Variants in USPL1 observed in about 807,000 individuals in gnomAD.
The protein encoded by USPL1 is SUMO-specific isopeptidase USPL1.
In USPL1, 27 loss-of-function variants were observed where a neutral mutation model predicts 51.5. The ratio of observed to expected loss-of-function variants is 0.52; its 90% CI spans 0.39 to 0.72. USPL1 has a LOEUF of 0.72. Ranked by LOEUF, USPL1 falls within the 30% of genes least tolerant of loss-of-function variation. USPL1 has a pLI of 0.00. For missense variants in USPL1, 1,226 were observed against 1,268.0 expected (o/e 0.97, Z 0.50); for synonymous variants, 451 against 459.6 (o/e 0.98, Z 0.24).
At chr13:30,619,544 A>G (rs985083222) in intron 1 of USPL1, among the ~76,000 whole-genome samples, 1 of 152,226 alleles carries the variant, frequency 6.6e-6, no homozygotes, top group Non-Finnish European at 1.5e-5. Flanking sequence ...CTAGTTTCCC[A>G]TTTGAGAGTA....
At chr13:30,629,406 G>A (rs2137628987) in intron 3 of USPL1, among the ~76,000 whole-genome samples, 1 of 152,246 alleles carries the variant, frequency 6.6e-6, no homozygotes, top group South Asian at 2.1e-4. Flanking sequence ...AGGATCTCTT[G>A]ATCCCAGGAG....
At chr13:30,652,306 G>A (rs1037461617) in intron 7 of USPL1, among the ~76,000 whole-genome samples, 2 of 152,236 alleles carry the variant, frequency 1.3e-5, no homozygotes, top group Non-Finnish European at 2.9e-5. Flanking sequence ...AAGGATTAAT[G>A]TATAAATTAT....
In USPL1 at chr13:30,650,820, T is replaced by G. The variant is rs1266079861; in HGVS notation, c.1239-2328T>G. 2.0e-5 allele frequency among the ~76,000 whole-genome samples: 3 copies of G among 151,878 alleles called. No individual in the cohort carries two copies. The East Asian group carries it at 5.8e-4, about 29-fold the overall frequency. ...ATCTGGCCAACATGGTGAAACCCCA[T>G]CTCTACTAAAAATACAAAAATTAGC... On this transcript the variant is annotated intron_variant, in intron 7 of 8. Coordinates refer to ENST00000255304, the MANE Select transcript of USPL1 (RefSeq NM_005800.5).
At position 30,621,343 on chromosome 13, in the gene USPL1, T is replaced by C. The variant is rs557076173; in HGVS notation, c.99+104T>C. On this transcript the variant is annotated intron_variant, in intron 2 of 8. Coordinates refer to ENST00000255304, the MANE Select transcript of USPL1 (RefSeq NM_005800.5). ...TTACCAGTTAACTTCTAAAAAATTG[T>C]GTCTTCCACGGAAATCTTACAGTAA... 2.9e-5 allele frequency: 24 copies of C among 816,136 alleles called. No homozygotes were observed. In the East Asian group the frequency reaches 5.8e-4, roughly 20 times the overall value. The allele number at this position is 816,136 out of a possible 1,614,324, so 50.6% of individuals were successfully genotyped here. A position where few individuals can be genotyped will look rare whatever the true frequency, so the allele number is the denominator to read the frequency against.
intron 3 of USPL1, among the ~76,000 whole-genome samples, chr13:30,629,562 A>G (rs1950771893): frequency 6.6e-6 from 1 of 152,222 alleles, no homozygotes; most frequent in Admixed American, 6.5e-5. Context: ...TACACATCAC[A>G]CCATGTCAGC....
chr13:30,628,712 A>G (rs1566048175), intron 3 of USPL1, among the ~76,000 whole-genome samples: 3 of 152,254 alleles, frequency 2.0e-5, no homozygotes, highest in African/African-American at 7.2e-5. Context: ...TGCAAAGGAC[A>G]TGAGGAGTTT....
chr13:30,639,749 G>A (rs897748828), intron 5 of USPL1, among the ~76,000 whole-genome samples: 16 of 152,076 alleles, frequency 1.1e-4, no homozygotes, highest in South Asian at 4.1e-4. Context: ...AGCTTTTTCC[G>A]TAAGATCCCT....
At chr13:30,653,003 G>A in intron 7 of USPL1, 145 bp from the exon 8 acceptor site, 1 of 680,974 alleles carries the variant, frequency 1.5e-6, no homozygotes, top group Non-Finnish European at 2.4e-6. Context: ...TTCTAATTAA[G>A]GCACACATCT....
chr13:30,650,392 C>T (rs530635811), intron 7 of USPL1, among the ~76,000 whole-genome samples: 207 of 151,680 alleles, frequency 1.4e-3, no homozygotes, highest in African/African-American at 4.5e-3. Context: ...TCCTGGCCAA[C>T]GTGGTGAAAC....
At chr13:30,622,830 G>A (rs1950662127) in intron 3 of USPL1, among the ~76,000 whole-genome samples, 1 of 152,076 alleles carries the variant, frequency 6.6e-6, no homozygotes, top group South Asian at 2.1e-4. Context: ...TACTTATGCT[G>A]GGTATAATTT....
intron 4 of USPL1, among the ~76,000 whole-genome samples, chr13:30,635,477 A>G (rs1293595497): frequency 6.6e-6 from 1 of 152,084 alleles, no homozygotes; most frequent in East Asian, 1.9e-4. Flanking sequence ...TTAACTCTCA[A>G]TTTTATTCTC....
At chr13:30,645,416 T>A (rs1951004903) in intron 6 of USPL1, among the ~76,000 whole-genome samples, 1 of 152,220 alleles carries the variant, frequency 6.6e-6, no homozygotes, top group African/African-American at 2.4e-5. Context: ...TAGCTTTGAA[T>A]GCAAGATGTT....
chr13:30,623,167 G>A (rs1031540479), intron 3 of USPL1, among the ~76,000 whole-genome samples: 2 of 152,058 alleles, frequency 1.3e-5, no homozygotes, highest in Non-Finnish European at 2.9e-5. Context: ...TCGAGCAAAA[G>A]CCTGAAAGAG....
intron 3 of USPL1, among the ~76,000 whole-genome samples, chr13:30,628,727 C>A (rs1022426795): frequency 1.3e-5 from 2 of 152,130 alleles, no homozygotes; most frequent in African/African-American, 4.8e-5. Context: ...GAGTTTCTTA[C>A]TTTTAAGGTT....
chr13:30,631,249 G>A lies in USPL1; in HGVS notation c.643G>A (p.Glu215Lys). ...TACATCTAAACTGGAAATGCCACTGGAGAGCAAATGTACATCATTTCCCCA... is the reference window on the plus strand; with the variant it reads ...TACATCTAAACTGGAAATGCCACTGAAGAGCAAATGTACATCATTTCCCCA... ...GCTSKLEMPL[E>K]SKCTSFPQAL... The change falls in exon 4 of 9, where the codon GAG becomes AAG. Residue 215 changes from glutamate (E) to lysine (K), a missense_variant. By Grantham distance (56) the Glu-to-Lys change is moderately conservative. Transcript: ENST00000255304. 6.2e-7 allele frequency: 1 copy of A among 1,614,148 alleles called. No individual in the cohort carries two copies. The highest frequency in any genetic ancestry group is 2.2e-5 in the East Asian group (1 of 44,876).
At chr13:30,651,643 T>C (rs914138680) in intron 7 of USPL1, among the ~76,000 whole-genome samples, 1 of 152,208 alleles carries the variant, frequency 6.6e-6, no homozygotes, top group African/African-American at 2.4e-5. Context: ...AAAGGTATTA[T>C]ATAAGGTCAA....
In USPL1 at chr13:30,660,066, C is replaced by T. The variant is rs1356943312; in HGVS notation, c.*710C>T. ...GGAGAGGATAGCTTCTATCCATAGG[C>T]AGGTTGTTCTGCCGTCTCTACAGGT... On this transcript the variant is annotated 3_prime_UTR_variant, in exon 9 of 9. Coordinates refer to ENST00000255304, the MANE Select transcript of USPL1 (RefSeq NM_005800.5). 3 of 152,406 alleles carry T rather than the reference C, an allele frequency of 2.0e-5. No homozygotes were observed. Among genetic ancestry groups the T allele is most frequent in the Admixed American group, 6.5e-5 (1 of 15,308 alleles). The allele number at this position is 152,406 out of a possible 1,614,324, so 9.4% of individuals were successfully genotyped here.
Position 30,621,174 on chromosome 13 carries a change from C to T in USPL1, c.34C>T (p.Pro12Ser). The change falls in exon 2 of 9, where the codon CCA becomes TCA. Residue 12 changes from proline (P) to serine (S), a missense_variant. Coordinates refer to ENST00000255304, the MANE Select transcript of USPL1 (RefSeq NM_005800.5). ...TTCTCCGAAGATTGGAAATGGTTTG[C>T]CAGTGATTGGACCAGGGACTGATAT... Reference protein sequence around the residue: ...MDSPKIGNGLPVIGPGTDIGI... With the variant: ...MDSPKIGNGLSVIGPGTDIGI... 1 of 1,606,816 alleles carries T rather than the reference C, an allele frequency of 6.2e-7. No homozygotes were observed. The highest frequency in any genetic ancestry group is 8.5e-7 in the Non-Finnish European group (1 of 1,177,594).
At chr13:30,627,064 A>G (rs1189051607) in intron 3 of USPL1, among the ~76,000 whole-genome samples, 2 of 152,068 alleles carry the variant, frequency 1.3e-5, no homozygotes, top group African/African-American at 4.8e-5. Context: ...AAGTACAGGA[A>G]TTTACTTAAG....
Sources: allele counts gnomAD v4.1 joint callset (sites outside exome capture counted in the v4.1 genomes callset), GRCh38; gene constraint gnomAD v4.1.1; transcripts MANE v1.5; gene names NCBI Gene and HGNC (gene_info 2026-07-23, HGNC 2026-07-21).